MFRP: variants seen among roughly 807,000 people sequenced by gnomAD.
The protein encoded by MFRP is C1q and TNF related 5.
Under a neutral mutation model 65.8 loss-of-function variants are expected in MFRP, and 74 were observed. That is an observed-to-expected ratio of 1.12 (90% confidence interval 0.93 to 1.36). MFRP has a LOEUF of 1.36. Ranked by LOEUF, MFRP falls within the 40% of genes most tolerant of loss-of-function variation. The pLI is 0.00. For synonymous variants in MFRP, 336 were observed against 288.3 expected, an observed-to-expected ratio of 1.17 and a Z score of -1.68; for missense variants, 838 against 736.0, an observed-to-expected ratio of 1.14 and a Z score of -1.60.
Position 119,345,447 on chromosome 11 carries a change from G to T in MFRP, c.614C>A (p.Ser205Tyr), listed in dbSNP as rs761362099. 5 of 1,614,002 alleles carry T rather than the reference G, an allele frequency of 3.1e-6. No individual in the cohort carries two copies. Among genetic ancestry groups the T allele is most frequent in the Admixed American group, 1.7e-5 (1 of 60,022 alleles). ...ASCLFDRLEL[S>Y]PEPEGPLLRV... ...GAGGAGGGGGCCTTCAGGCTCAGGGGAGAGTTCCAAGCGATCAAAAAGGCA... is the reference window on the plus strand; with the variant it reads ...GAGGAGGGGGCCTTCAGGCTCAGGGTAGAGTTCCAAGCGATCAAAAAGGCA... The change falls in exon 5 of 15, where the codon TCC becomes TAC. Residue 205 changes from serine to tyrosine, a missense_variant. Coordinates refer to ENST00000619721, the MANE Select transcript of MFRP (RefSeq NM_031433.4).
chr11:119,344,454 GC>G, intron 7 of MFRP, 63 bp from the exon 8 acceptor site: 1 of 1,568,816 alleles, frequency 6.4e-7, no homozygotes. Flanking sequence ...AATAGGGCTG[GC>G]GGTGATTACA....
intron 2 of MFRP, 21 bp downstream of exon 2, chr11:119,346,251 G>A: frequency 6.3e-7 from 1 of 1,597,918 alleles, no homozygotes; most frequent in East Asian, 2.3e-5. Flanking sequence ...CCTCCCCCAG[G>A]TCACCCCCTG....
intron 9 of MFRP, 138 bp from the exon 10 acceptor site, chr11:119,343,141 C>A (rs150957434): frequency 1.9e-6 from 2 of 1,074,532 alleles, no homozygotes; most frequent in Admixed American, 2.1e-5. Flanking sequence ...TAGGGTCTGG[C>A]GAGAAAGACA....
In MFRP at chr11:119,344,983, G is replaced by GA. The variant is rs930359553; in HGVS notation, c.662_663insT (p.Thr223HisfsTer16). ...GGCTGGCATTGGTGTTGAGCGTGGGGGGAGGCACCCTTCCACAAACCCTGC... is the reference window on the plus strand; with the variant it reads ...GGCTGGCATTGGTGTTGAGCGTGGGGAGGAGGCACCCTTCCACAAACCCTGC... On this transcript the variant is annotated frameshift_variant, in exon 6 of 15. Transcript: ENST00000619721. LOFTEE classifies it high-confidence loss of function. 7 of 1,606,962 alleles carry GA rather than the reference G, an allele frequency of 4.4e-6. No homozygotes were observed. The highest frequency in any genetic ancestry group is 1.7e-5 in the Admixed American group (1 of 58,604).
chr11:119,343,965 C>T lies in MFRP; in HGVS notation c.976-1G>A. On this transcript the variant is annotated splice_acceptor_variant, in intron 8 of 14. Transcript: ENST00000619721. LOFTEE classifies it high-confidence loss of function. ...GCACCGAGATATGCCAGGTGCAGAG[C>T]TGGGGGAGGGCATAGGTGGAGCAAT... 1 of 1,612,366 alleles carries T rather than the reference C, an allele frequency of 6.2e-7. No homozygotes were observed. Among genetic ancestry groups the T allele is most frequent in the Non-Finnish European group, 8.5e-7 (1 of 1,179,946 alleles).
In MFRP at chr11:119,344,856, A is replaced by G. The variant is rs200795678; in HGVS notation, c.772+18T>C. On this transcript the variant is annotated intron_variant, in intron 6 of 14. Coordinates refer to ENST00000619721, the MANE Select transcript of MFRP (RefSeq NM_031433.4). ...GGAAGAAAGTGGACACTCAACAGGC[A>G]GGTGGGAACACACTCACCGCGCCCA... is the stretch of plus-strand genomic sequence containing the variant. The G allele has an allele frequency of 1.3e-4, 208 of 1,613,428 alleles. No homozygotes were observed. The highest frequency in any genetic ancestry group is 1.5e-4 in the Non-Finnish European group (176 of 1,180,000).
chr11:119,340,081 G>A, intron 14 of MFRP, 103 bp downstream of exon 14: 2 of 1,366,416 alleles, frequency 1.5e-6, no homozygotes, highest in Non-Finnish European at 1.9e-6. Context: ...CGCGGGGAGT[G>A]GCGCCCCCTG....
Position 119,345,276 on chromosome 11 carries a change from A to G in MFRP, c.641+144T>C, listed in dbSNP as rs1950549860. ...GGAAGTGATCTTCCTCACGGCACAC[A>G]GCAAGGTGGTGGCAGAGCTGGGCCC... On this transcript the variant is annotated intron_variant, in intron 5 of 14. Transcript: ENST00000619721. The G allele has an allele frequency of 7.9e-6, 7 of 882,644 alleles. No homozygotes were observed. The Middle Eastern group carries it at 1.7e-3, about 213-fold the overall frequency. The allele number at this position is 882,644 out of a possible 1,614,324, so 54.7% of individuals were successfully genotyped here. A position where few individuals can be genotyped will look rare whatever the true frequency, so the allele number is the denominator to read the frequency against.
At chr11:119,340,471 C>A in intron 13 of MFRP, 31 bp from the exon 14 acceptor site, 1 of 1,468,196 alleles carries the variant, frequency 6.8e-7, no homozygotes, top group Non-Finnish European at 9.2e-7. Context: ...GAGTCGGGAC[C>A]CAGAATCCTG....
intron 9 of MFRP, 148 bp downstream of exon 9, chr11:119,343,668 G>T: frequency 1.0e-6 from 1 of 996,600 alleles, no homozygotes; most frequent in Non-Finnish European, 1.5e-6. Context: ...GGTGAGAGCT[G>T]TCTTTAGGGT....
rs1355527705 is a variant in MFRP, at chr11:119,340,360, G to T, written c.*934C>A. The stretch of plus-strand genomic sequence containing the variant: ...GTCGTCCAGTGGGGGCGAGCCGGCC[G>T]CCAGGCCCAGGAGCAGCAGGACGAG... On this transcript the variant is annotated 3_prime_UTR_variant, in exon 14 of 15. Transcript: ENST00000619721. The T allele has an allele frequency of 2.6e-6, 4 of 1,543,680 alleles. No individual in the cohort carries two copies. Among genetic ancestry groups the T allele is most frequent in the African/African-American group, 1.4e-5 (1 of 72,390 alleles).
Position 119,345,894 on chromosome 11 carries a change from A to G in MFRP, c.306T>C (p.His102=). ...TAAGGCCTCCGGCAGGCAGTGGGCT[A>G]TGGGACGCCCCAGATGGGGGTGCAG... is the stretch of plus-strand genomic sequence containing the variant. The part of the protein sequence containing the change: ...LQAAPPSGAS[H]SPLPAGGLTT... The change falls in exon 4 of 15, where the codon CAT becomes CAC. Residue 102 remains histidine (H), a synonymous_variant. Transcript: ENST00000619721. 1.2e-6 allele frequency: 2 copies of G among 1,613,604 alleles called. No homozygotes were observed. The highest frequency in any genetic ancestry group is 8.5e-7 in the Non-Finnish European group (1 of 1,179,786).
At chr11:119,345,305 G>C (rs553292234) in intron 5 of MFRP, 115 bp downstream of exon 5, 27 of 1,093,008 alleles carry the variant, frequency 2.5e-5, no homozygotes, top group Non-Finnish European at 3.4e-5. Context: ...TGGGCCCAGA[G>C]GTCTAGTCTC....
rs901701142 is a variant in MFRP at position 119,344,872 on chromosome 11, A to C, written c.772+2T>G. ...TCAACAGGCAGGTGGGAACACACTC[A>C]CCGCGCCCAGGGGCCATAGCCTGGT... On this transcript the variant is annotated splice_donor_variant, in intron 6 of 14. Transcript: ENST00000619721. LOFTEE classifies it high-confidence loss of function. The C allele has an allele frequency of 3.1e-6, 5 of 1,613,182 alleles. No homozygotes were observed. Among genetic ancestry groups the C allele is most frequent in the Non-Finnish European group, 3.4e-6 (4 of 1,179,956 alleles).
rs371634525 is a variant in MFRP, at chr11:119,339,496, G to A, written c.*1463C>T. ...TCACCATGGCCCCCCCCGAGAGCGA[G>A]GCTGGCTTGGGCCACCCCCCGAAAA... On this transcript the variant is annotated 3_prime_UTR_variant, in exon 15 of 15. Transcript: ENST00000619721. The surrounding 1 kb of genome is among the most constrained non-coding windows in gnomAD (Gnocchi z 5.4). The A allele has an allele frequency of 1.2e-5, 19 of 1,613,824 alleles. No homozygotes were observed. In the East Asian group the frequency reaches 1.3e-4, roughly 11 times the overall value.
rs1406125086 is a variant in MFRP at position 119,339,232 on chromosome 11, C to T, written c.*1727G>A. 2.2e-6 allele frequency: 3 copies of T among 1,379,424 alleles called. No individual in the cohort carries two copies. Among genetic ancestry groups the T allele is most frequent in the Admixed American group, 4.3e-5 (2 of 46,180 alleles). The allele number at this position is 1,379,424 out of a possible 1,614,324, so 85.4% of individuals were successfully genotyped here. A position where few individuals can be genotyped will look rare whatever the true frequency, so the allele number is the denominator to read the frequency against. ...GCTCTACCCCACCTCCCTAGTCATT[C>T]ACAATATTCCAGGGGGGCCAGCCCT... On this transcript the variant is annotated 3_prime_UTR_variant, in exon 15 of 15. Transcript: ENST00000619721. The surrounding 1 kb of genome is among the most constrained non-coding windows in gnomAD (Gnocchi z 5.4).
At position 119,339,103 on chromosome 11, in the gene MFRP, C is replaced by T. The variant is rs1950468916; in HGVS notation, c.*1856G>A. 1 of 576,060 alleles carries T rather than the reference C, an allele frequency of 1.7e-6. No individual in the cohort carries two copies. Among genetic ancestry groups the T allele is most frequent in the African/African-American group, 1.9e-5 (1 of 53,708 alleles). 35.7% of individuals were successfully genotyped at this position (576,060 alleles called of 1,614,324 possible). The stretch of plus-strand genomic sequence containing the variant: ...GGGACTTACACTTGCCAGCACAGCA[C>T]ACTCCTCTGGTCTTGGGCAGAAATC... On this transcript the variant is annotated 3_prime_UTR_variant, in exon 15 of 15. Transcript: ENST00000619721. This position sits in a 1 kb window ranked among gnomAD's most constrained non-coding sequence, Gnocchi z 5.4.
At chr11:119,345,094 CA>C in intron 5 of MFRP, 90 bp from the exon 6 acceptor site, 1 of 1,512,722 alleles carries the variant, frequency 6.6e-7, no homozygotes, top group Non-Finnish European at 9.0e-7. Flanking sequence ...CCTATTTTCT[CA>C]ACCCCCAAAC....
At position 119,343,800 on chromosome 11, in the gene MFRP, T is replaced by TC. The variant is rs1269617085; in HGVS notation, c.1124+15dup. 6.2e-7 allele frequency: 1 copy of TC among 1,613,780 alleles called. No individual in the cohort carries two copies. Among genetic ancestry groups the TC allele is most frequent in the Non-Finnish European group, 8.5e-7 (1 of 1,179,970 alleles). On this transcript the variant is annotated intron_variant, in intron 9 of 14. Coordinates refer to ENST00000619721, the MANE Select transcript of MFRP (RefSeq NM_031433.4). ...TGAGGATGGAGTTATCCATGGCTCTTCCCTGGCTCCTGTACCTGCCCAGGA... is the reference window on the plus strand; with the variant it reads ...TGAGGATGGAGTTATCCATGGCTCTTCCCCTGGCTCCTGTACCTGCCCAGGA...
Sources: allele counts gnomAD v4.1 joint callset, GRCh38; gene constraint gnomAD v4.1.1; non-coding constraint Gnocchi (gnomAD v3.1); transcripts MANE v1.5; gene names NCBI Gene and HGNC (gene_info 2026-07-23, HGNC 2026-07-21).